Variants in ZNF365 observed in about 807,000 individuals in gnomAD.
ZNF365 encodes protein ZNF365.
Under a neutral mutation model 35.0 loss-of-function variants are expected in ZNF365, and 22 were observed. That is an observed-to-expected ratio of 0.63 (90% CI 0.45 to 0.90). The LOEUF is 0.90. Ranked by LOEUF, ZNF365 falls within the 40% of genes least tolerant of loss-of-function variation. The pLI is 0.00. For missense variants in ZNF365, 448 were observed against 500.3 expected, an observed-to-expected ratio of 0.90 and a Z score of 1.00; for synonymous variants, 188 against 196.2, an observed-to-expected ratio of 0.96 and a Z score of 0.35.
At chr10:62,417,649 A>G (rs941261660) in intron 3 of ZNF365, among the ~76,000 whole-genome samples, 2 of 130,722 alleles carry the variant, frequency 1.5e-5, no homozygotes, top group African/African-American at 5.3e-5. Context: ...GAACTTAGAG[A>G]TCTTTAATCT....
intron 4 of ZNF365, among the ~76,000 whole-genome samples, chr10:62,474,046 G>A (rs1364844632): frequency 6.6e-6 from 1 of 152,220 alleles, no homozygotes; most frequent in East Asian, 1.9e-4. Flanking sequence ...GAGAGAGGGA[G>A]TTAGAAAAGG....
chr10:62,441,647 A>G (rs1840503353), intron 3 of ZNF365, among the ~76,000 whole-genome samples: 1 of 152,138 alleles, frequency 6.6e-6, no homozygotes, highest in Non-Finnish European at 1.5e-5. Flanking sequence ...CACATATTCT[A>G]TATCACTTGG....
chr10:62,464,742 G>C (rs1840904906), intron 4 of ZNF365, among the ~76,000 whole-genome samples: 3 of 152,218 alleles, frequency 2.0e-5, no homozygotes, highest in South Asian at 4.1e-4. Flanking sequence ...GGTATAGGAG[G>C]ATTATCACTT....
At chr10:62,472,013 T>C (rs1841047911) in intron 4 of ZNF365, among the ~76,000 whole-genome samples, 1 of 152,250 alleles carries the variant, frequency 6.6e-6, no homozygotes, top group Non-Finnish European at 1.5e-5. Context: ...ATCTGCCTTT[T>C]CTGATGGTGT....
intron 2 of ZNF365, among the ~76,000 whole-genome samples, chr10:62,380,447 G>A (rs111535221): frequency 7.2e-5 from 11 of 152,252 alleles, no homozygotes; most frequent in African/African-American, 2.6e-4. Flanking sequence ...TTAATCATTT[G>A]TTTATGTTAT....
At chr10:62,456,768 ATC>A (rs1840767253) in intron 3 of ZNF365, among the ~76,000 whole-genome samples, 1 of 152,216 alleles carries the variant, frequency 6.6e-6, no homozygotes, top group Non-Finnish European at 1.5e-5. Context: ...GAAAGTAAGC[ATC>A]TGTCTTTCTT....
At chr10:62,391,522 C>T (rs1226130930) in intron 3 of ZNF365, among the ~76,000 whole-genome samples, 1 of 152,230 alleles carries the variant, frequency 6.6e-6, no homozygotes, top group African/African-American at 2.4e-5. Flanking sequence ...TGAGTTACCT[C>T]ACTTAGAATA....
chr10:62,480,092 C>T, exon 5 of ZNF365: 1 of 1,317,102 alleles, frequency 7.6e-7, no homozygotes, highest in East Asian at 2.7e-5. Context: ...GGATGAGCTC[C>T]AGGTCCTCCC....
intron 4 of ZNF365, among the ~76,000 whole-genome samples, chr10:62,473,070 G>A (rs143832034): frequency 5.9e-5 from 9 of 152,334 alleles, no homozygotes; most frequent in Admixed American, 5.9e-4. Flanking sequence ...GCCCCTTGGG[G>A]AAAGGGACCA....
intron 4 of ZNF365, among the ~76,000 whole-genome samples, chr10:62,462,104 A>T: frequency 6.6e-6 from 1 of 152,108 alleles, no homozygotes; most frequent in Admixed American, 6.5e-5. Context: ...ATAGGGCTGG[A>T]CCTCCACCAC....
intron 4 of ZNF365, 32 bp from the exon 5 acceptor site, chr10:62,399,496 T>C (rs1186629929): frequency 2.5e-6 from 4 of 1,603,488 alleles, no homozygotes; most frequent in Non-Finnish European, 2.6e-6. Context: ...TCTGCTCATC[T>C]CTTCTCCACT....
chr10:62,471,212 A>G (rs2132490336), intron 4 of ZNF365, among the ~76,000 whole-genome samples: 1 of 152,092 alleles, frequency 6.6e-6, no homozygotes, highest in Admixed American at 6.5e-5. Context: ...TAAAAATACA[A>G]AAAACTGGCC....
Position 62,388,333 on chromosome 10 carries a change from G to T in ZNF365, c.744-63G>T, listed in dbSNP as rs1308343832. ...AATAGTAGGCACTCAATAAATATGTGTTGAATGAGTGAATTCCTTGCCTTA... is the reference window on the plus strand; with the variant it reads ...AATAGTAGGCACTCAATAAATATGTTTTGAATGAGTGAATTCCTTGCCTTA... On this transcript the variant is annotated intron_variant, in intron 2 of 4. Transcript: ENST00000395254. 2.5e-6 allele frequency: 4 copies of T among 1,587,272 alleles called. No individual in the cohort carries two copies. In the Admixed American group the frequency reaches 6.8e-5, roughly 27 times the overall value.
rs1471654562 is a variant in ZNF365, at chr10:62,400,163, C to G, written c.*374C>G. On this transcript the variant is annotated 3_prime_UTR_variant, in exon 5 of 5. Coordinates refer to ENST00000395254, the MANE Select transcript of ZNF365 (RefSeq NM_014951.3). ...TGTCAGGCCTAGGGAGAAAATTCAT[C>G]TGTGCCCACTGCTCTCCAAAGTGCG... 1 of 1,019,704 alleles carries G rather than the reference C, an allele frequency of 9.8e-7. No individual in the cohort carries two copies. Among genetic ancestry groups the G allele is most frequent in the African/African-American group, 1.7e-5 (1 of 58,470 alleles). 63.2% of individuals were successfully genotyped at this position (1,019,704 alleles called of 1,614,324 possible).
intron 4 of ZNF365, among the ~76,000 whole-genome samples, chr10:62,467,843 A>G (rs1589471111): frequency 6.6e-6 from 1 of 152,074 alleles, no homozygotes; most frequent in Admixed American, 6.5e-5. Flanking sequence ...TAACTGTGGC[A>G]CTCAGCTGCT....
chr10:62,412,661 G>T (rs1840004798), intron 3 of ZNF365, among the ~76,000 whole-genome samples: 1 of 152,034 alleles, frequency 6.6e-6, no homozygotes, highest in African/African-American at 2.4e-5. Context: ...GCCAAATCAT[G>T]AATAACTCCC....
chr10:62,383,807 C>G (rs952759318), intron 2 of ZNF365, among the ~76,000 whole-genome samples: 3 of 152,284 alleles, frequency 2.0e-5, no homozygotes, highest in Middle Eastern at 3.4e-3. Flanking sequence ...ATAATATTAT[C>G]TATTTTTCAG....
intron 3 of ZNF365, among the ~76,000 whole-genome samples, chr10:62,441,374 C>A (rs1242816877): frequency 1.3e-5 from 2 of 152,090 alleles, no homozygotes; most frequent in Non-Finnish European, 2.9e-5. Flanking sequence ...TATATTAGTT[C>A]TTTAAATAGC....
At chr10:62,467,733 G>T (rs186752183) in intron 4 of ZNF365, among the ~76,000 whole-genome samples, 1 of 152,100 alleles carries the variant, frequency 6.6e-6, no homozygotes, top group Non-Finnish European at 1.5e-5. Context: ...CCTTTCAGAG[G>T]CAATTCACTC....
Sources: gnomAD v4.1 joint callset for allele counts (sites outside exome capture counted in the v4.1 genomes callset) on GRCh38, gnomAD v4.1.1 for gene constraint, MANE v1.5 for transcripts, NCBI Gene and HGNC (gene_info 2026-07-23, HGNC 2026-07-21) for gene names.